The following PLPPR1 variants were observed in gnomAD, a reference collection of about 807,000 sequenced individuals.
PLPPR1 encodes the protein phospholipid phosphatase-related protein type 1.
A neutral mutation model predicts 33.1 loss-of-function variants in PLPPR1; 10 were observed. That is an observed-to-expected ratio of 0.30 (90% CI 0.19 to 0.51). PLPPR1 has a LOEUF of 0.51. Among genes scored for constraint, PLPPR1 ranks in the 20% least tolerant of loss-of-function variants. The pLI is 0.97. For synonymous variants in PLPPR1, 151 were observed against 151.0 expected, an observed-to-expected ratio of 1.00 and a Z score of 0.00; for missense variants, 304 against 408.1, an observed-to-expected ratio of 0.74 and a Z score of 2.20.
chr9:101,190,089 A>G (rs933568723), intron 2 of PLPPR1, among the ~76,000 whole-genome samples: 3 of 152,118 alleles, frequency 2.0e-5, no homozygotes, highest in East Asian at 3.9e-4. Flanking sequence ...TTTAATTTCT[A>G]TATTCAGCAA....
At chr9:101,319,567 C>T (rs911756123) in intron 7 of PLPPR1, among the ~76,000 whole-genome samples, 11 of 152,080 alleles carry the variant, frequency 7.2e-5, no homozygotes, top group African/African-American at 2.7e-4. Flanking sequence ...TTTGTTTTCC[C>T]TTAATTTGTA....
chr9:101,165,766 T>G (rs1308634270), intron 1 of PLPPR1, among the ~76,000 whole-genome samples: 1 of 152,192 alleles, frequency 6.6e-6, no homozygotes, highest in Non-Finnish European at 1.5e-5. Flanking sequence ...AAAAGATGAC[T>G]GTTTTAGTGT....
At chr9:101,281,691 C>T (rs1373137012) in intron 3 of PLPPR1, among the ~76,000 whole-genome samples, 3 of 151,862 alleles carry the variant, frequency 2.0e-5, no homozygotes, top group East Asian at 1.9e-4. Context: ...ATTGATAAAC[C>T]TTTAGACAAG....
chr9:101,253,806 G>T (rs1827752737), intron 2 of PLPPR1, among the ~76,000 whole-genome samples: 1 of 152,070 alleles, frequency 6.6e-6, no homozygotes, highest in Non-Finnish European at 1.5e-5. Context: ...GTCATTTGAT[G>T]ATTTGTCCTC....
chr9:101,290,143 T>G (rs1828468584), intron 4 of PLPPR1, among the ~76,000 whole-genome samples: 1 of 152,218 alleles, frequency 6.6e-6, no homozygotes, highest in African/African-American at 2.4e-5. Context: ...TAAATGGAAA[T>G]GTTTTCTTTG....
rs185717819 is a variant in PLPPR1 at position 101,301,860 on chromosome 9, C to T, written c.386-7351C>T. Among the ~76,000 whole-genome samples, 9 of 152,172 alleles carry T rather than the reference C, an allele frequency of 5.9e-5. No individual in the cohort carries two copies. In the South Asian group the frequency reaches 6.2e-4, roughly 11 times the overall value. On this transcript the variant is annotated intron_variant, in intron 4 of 7. Transcript: ENST00000374874. Reference sequence around the variant, plus strand: ...AAATTGACTACAAAATTGAAGAATTCGTATTCTGTTGTGGCAAGTGAAATA... The same window carrying T: ...AAATTGACTACAAAATTGAAGAATTTGTATTCTGTTGTGGCAAGTGAAATA...
chr9:101,160,845 G>A (rs552315865), intron 1 of PLPPR1, among the ~76,000 whole-genome samples: 1 of 152,210 alleles, frequency 6.6e-6, no homozygotes, highest in African/African-American at 2.4e-5. Context: ...CATTCAACAT[G>A]TCATCGAAAT....
At chr9:101,232,993 G>A (rs1208019302) in intron 2 of PLPPR1, among the ~76,000 whole-genome samples, 3 of 151,846 alleles carry the variant, frequency 2.0e-5, no homozygotes, top group Admixed American at 6.6e-5. Flanking sequence ...TCCAATCACC[G>A]AAACTTCCCC....
At chr9:101,240,087 G>A (rs1827431518) in intron 2 of PLPPR1, among the ~76,000 whole-genome samples, 1 of 151,852 alleles carries the variant, frequency 6.6e-6, no homozygotes, top group Admixed American at 6.6e-5. Flanking sequence ...GAGAAATAGG[G>A]GTATAGTTTT....
At chr9:101,038,919 A>G (rs959606863) in intron 1 of PLPPR1, among the ~76,000 whole-genome samples, 5 of 152,128 alleles carry the variant, frequency 3.3e-5, no homozygotes, top group African/African-American at 1.2e-4. Context: ...CAGCTGTAAT[A>G]TTGAGATCAG....
intron 1 of PLPPR1, among the ~76,000 whole-genome samples, chr9:101,090,900 A>T (rs1353306907): frequency 6.6e-6 from 1 of 150,726 alleles, no homozygotes; most frequent in Admixed American, 6.6e-5. Context: ...CCATCCTCTA[A>T]ATTCCACTGT....
At chr9:101,209,678 G>C (rs1826655209) in intron 2 of PLPPR1, among the ~76,000 whole-genome samples, 1 of 152,194 alleles carries the variant, frequency 6.6e-6, no homozygotes, top group Admixed American at 6.5e-5. Context: ...CAGTTTTCTT[G>C]CTAGCCAAAC....
At chr9:101,084,259 T>C (rs1450408055) in intron 1 of PLPPR1, among the ~76,000 whole-genome samples, 1 of 152,200 alleles carries the variant, frequency 6.6e-6, no homozygotes, top group Non-Finnish European at 1.5e-5. Flanking sequence ...AGGTTGAAGA[T>C]GCTGTGCCCA....
intron 2 of PLPPR1, among the ~76,000 whole-genome samples, chr9:101,224,725 T>G (rs1361575259): frequency 1.3e-5 from 2 of 152,184 alleles, no homozygotes; most frequent in Non-Finnish European, 2.9e-5. Flanking sequence ...TCTCCATGTC[T>G]GTGGGTTTTC....
intron 2 of PLPPR1, among the ~76,000 whole-genome samples, chr9:101,189,499 T>C (rs73656182): frequency 1.1e-3 from 165 of 152,258 alleles, no homozygotes; most frequent in African/African-American, 3.9e-3. Context: ...TAATGAGGCA[T>C]GTCTGACCCT....
rs1829079060 is a variant in PLPPR1 at position 101,317,448 on chromosome 9, A to G, written c.897A>G (p.Leu299=). 1 of 1,613,906 alleles carries G rather than the reference A, an allele frequency of 6.2e-7. No individual in the cohort carries two copies. Among genetic ancestry groups the G allele is most frequent in the Non-Finnish European group, 8.5e-7 (1 of 1,179,946 alleles). The change falls in exon 7 of 8, where the codon CTA becomes CTG. Residue 299 remains leucine, a synonymous_variant. Coordinates refer to ENST00000374874, the MANE Select transcript of PLPPR1 (RefSeq NM_207299.2). The part of the protein sequence containing the change: ...PKPEDPRGVP[L]MAFPRIESPL... ...CTGAGGATCCCCGTGGAGTACCCCT[A>G]ATGGCTTTCCCAAGGATAGAAAGCC...
At chr9:101,177,225 C>A (rs1166702849) in intron 1 of PLPPR1, among the ~76,000 whole-genome samples, 1 of 152,118 alleles carries the variant, frequency 6.6e-6, no homozygotes, top group Non-Finnish European at 1.5e-5. Flanking sequence ...TTTACCAATA[C>A]TAATTATTCC....
At chr9:101,295,173 C>A (rs1359667939) in intron 4 of PLPPR1, among the ~76,000 whole-genome samples, 2 of 151,492 alleles carry the variant, frequency 1.3e-5, no homozygotes, top group African/African-American at 4.8e-5. Flanking sequence ...AAACAGAGAG[C>A]CAAATCATGA....
chr9:101,082,465 G>T lies in PLPPR1; in HGVS notation c.-46+53363G>T, dbSNP rs1830632242. On this transcript the variant is annotated intron_variant, in intron 1 of 7. Coordinates refer to ENST00000374874, the MANE Select transcript of PLPPR1 (RefSeq NM_207299.2). ...TTTAGGAAAAAAGTGGTTTGCCCCT[G>T]TGAAGTTCACCTTAGGTGATGAGAT... is the stretch of plus-strand genomic sequence containing the variant. 3.3e-5 allele frequency among the ~76,000 whole-genome samples: 5 copies of T among 152,128 alleles called. No individual in the cohort carries two copies. In the South Asian group the frequency reaches 1.0e-3, roughly 32 times the overall value.
Sources: gnomAD v4.1 joint callset for allele counts (sites outside exome capture counted in the v4.1 genomes callset) on GRCh38, gnomAD v4.1.1 for gene constraint, MANE v1.5 for transcripts, NCBI Gene and HGNC (gene_info 2026-07-23, HGNC 2026-07-21) for gene names.